APBB2: variants seen among roughly 807,000 people sequenced by gnomAD.
APBB2 encodes the protein Fe65-like 1.
Under a neutral mutation model 82.5 loss-of-function variants are expected in APBB2, and 38 were observed. The ratio of observed to expected loss-of-function variants is 0.46; its 90% CI spans 0.36 to 0.60. The LOEUF (loss-of-function observed/expected upper bound fraction) is 0.60. Among genes scored for constraint, APBB2 ranks in the 20% least tolerant of loss-of-function variants. APBB2 has a pLI of 0.00. For synonymous variants in APBB2, 341 were observed against 368.2 expected, an observed-to-expected ratio of 0.93 and a Z score of 0.85; for missense variants, 772 against 972.3, an observed-to-expected ratio of 0.79 and a Z score of 2.74.
chr4:41,058,027 A>C (rs990699714), intron 4 of APBB2, among the ~76,000 whole-genome samples: 1 of 152,218 alleles, frequency 6.6e-6, no homozygotes, highest in African/African-American at 2.4e-5. Flanking sequence ...GAAGGGAAAA[A>C]GGACTAAAGT....
At chr4:41,006,971 C>T (rs1470919390) in intron 6 of APBB2, among the ~76,000 whole-genome samples, 1 of 152,136 alleles carries the variant, frequency 6.6e-6, no homozygotes. Context: ...GTTTGTGACT[C>T]TCGCTCTCAT....
intron 12 of APBB2, among the ~76,000 whole-genome samples, chr4:40,870,818 C>T (rs1026685596): frequency 2.0e-5 from 3 of 151,310 alleles, no homozygotes; most frequent in East Asian, 3.9e-4. Context: ...CTGCAAACTC[C>T]GCCTCCCAGG....
chr4:41,028,183 C>G (rs1286461595), intron 5 of APBB2, among the ~76,000 whole-genome samples: 1 of 152,210 alleles, frequency 6.6e-6, no homozygotes. Context: ...ATATATGCTT[C>G]TAAGTGCTGA....
chr4:40,964,290 C>T (rs1162738555), intron 6 of APBB2, among the ~76,000 whole-genome samples: 2 of 152,116 alleles, frequency 1.3e-5, no homozygotes, highest in African/African-American at 4.8e-5. Context: ...TTGAGAAATA[C>T]ACCTACAAGC....
At chr4:41,105,276 C>A (rs73810829) in intron 2 of APBB2, among the ~76,000 whole-genome samples, 1 of 152,086 alleles carries the variant, frequency 6.6e-6, no homozygotes, top group East Asian at 1.9e-4. Flanking sequence ...CAAAAACAAA[C>A]CCTTATGTTT....
chr4:40,857,823 G>T (rs1000694152), intron 12 of APBB2, among the ~76,000 whole-genome samples: 5 of 152,048 alleles, frequency 3.3e-5, no homozygotes, highest in Non-Finnish European at 7.4e-5. Flanking sequence ...GGGCGGGGAG[G>T]GGTGGTTGGG....
At chr4:41,147,161 C>T (rs934611355) in intron 1 of APBB2, among the ~76,000 whole-genome samples, 13 of 152,276 alleles carry the variant, frequency 8.5e-5, no homozygotes, top group African/African-American at 3.1e-4. Context: ...GAAATCATAG[C>T]TTTGTGGTGA....
intron 2 of APBB2, among the ~76,000 whole-genome samples, chr4:41,134,250 G>A (rs964642543): frequency 6.6e-6 from 1 of 152,004 alleles, no homozygotes; most frequent in Non-Finnish European, 1.5e-5. Context: ...TCAAAGGGCT[G>A]GGATTACAGG....
intron 4 of APBB2, among the ~76,000 whole-genome samples, chr4:41,054,874 A>G (rs1387623684): frequency 4.6e-5 from 7 of 152,020 alleles, no homozygotes; most frequent in Admixed American, 1.3e-4. Flanking sequence ...TGCTGTCTGC[A>G]TGCTGCTCTC....
chr4:41,049,164 T>G, intron 4 of APBB2, among the ~76,000 whole-genome samples: 1 of 128,552 alleles, frequency 7.8e-6, no homozygotes, highest in East Asian at 2.5e-4. Flanking sequence ...CGGCCGCCCA[T>G]CGTCTGAGAT....
chr4:40,874,898 T>C (rs187146786), intron 12 of APBB2, among the ~76,000 whole-genome samples: 30 of 152,324 alleles, frequency 2.0e-4, no homozygotes, highest in African/African-American at 6.3e-4. Flanking sequence ...TCAGTATTAT[T>C]CAAACTATGA....
At chr4:41,165,151 G>C (rs1465320989) in intron 1 of APBB2, among the ~76,000 whole-genome samples, 2 of 152,198 alleles carry the variant, frequency 1.3e-5, no homozygotes, top group Admixed American at 1.3e-4. Context: ...ATGTGGGAGA[G>C]ACAGTTAGAA....
intron 12 of APBB2, among the ~76,000 whole-genome samples, chr4:40,864,821 G>C (rs1763658662): frequency 6.7e-6 from 1 of 149,074 alleles, no homozygotes; most frequent in Non-Finnish European, 1.5e-5. Flanking sequence ...CCATGGTTCA[G>C]AATCCTAAGG....
At chr4:41,079,836 C>A (rs950281208) in intron 3 of APBB2, among the ~76,000 whole-genome samples, 1 of 152,046 alleles carries the variant, frequency 6.6e-6, no homozygotes, top group Non-Finnish European at 1.5e-5. Context: ...CGTAAACCAC[C>A]GCGACCGGCC....
chr4:40,860,451 G>A (rs989799009), intron 12 of APBB2, among the ~76,000 whole-genome samples: 8 of 152,126 alleles, frequency 5.3e-5, no homozygotes, highest in South Asian at 2.1e-4. Flanking sequence ...ATTGTCACAC[G>A]GCAACACCAG....
At chr4:41,074,768 C>T (rs564903844) in intron 3 of APBB2, among the ~76,000 whole-genome samples, 1 of 151,924 alleles carries the variant, frequency 6.6e-6, no homozygotes, top group Admixed American at 6.6e-5. Flanking sequence ...CGCCACCAGT[C>T]CCGGCTAATT....
chr4:41,016,791 G>A (rs1810091339), intron 5 of APBB2, among the ~76,000 whole-genome samples: 1 of 151,946 alleles, frequency 6.6e-6, no homozygotes, highest in Admixed American at 6.6e-5. Context: ...AGGCTGAATA[G>A]AAAAGGACCA....
intron 11 of APBB2, 75 bp from the exon 12 acceptor site, chr4:40,890,566 G>A: frequency 6.4e-7 from 1 of 1,567,886 alleles, no homozygotes; most frequent in East Asian, 2.3e-5. Flanking sequence ...GGCCATCTAG[G>A]AATGCCGTGT....
intron 6 of APBB2, among the ~76,000 whole-genome samples, chr4:40,947,098 T>G (rs1043790502): frequency 2.0e-5 from 3 of 152,252 alleles, no homozygotes; most frequent in African/African-American, 7.2e-5. Context: ...AACATGTGTT[T>G]ACATTTCTTT....
Sources: allele counts gnomAD v4.1 joint callset (sites outside exome capture counted in the v4.1 genomes callset), GRCh38; gene constraint gnomAD v4.1.1; transcripts MANE v1.5; gene names NCBI Gene and HGNC (gene_info 2026-07-23, HGNC 2026-07-21).